Variants in CSMD1 observed in about 807,000 individuals in gnomAD.
The protein encoded by CSMD1 is CUB and sushi domain-containing protein 1.
CSMD1 carries 213 observed loss-of-function variants against 417.5 expected under a neutral mutation model. The ratio of observed to expected loss-of-function variants is 0.51; its 90% confidence interval spans 0.46 to 0.57. The LOEUF is 0.57. CSMD1 is among the 20% of genes least tolerant of loss of function. The pLI is 0.00. For missense variants in CSMD1, 6,923 were observed against 4,529.7 expected (o/e 1.53, Z -15.17); for synonymous variants, 2,862 against 1,736.8 (o/e 1.65, Z -16.11).
In CSMD1 at chr8:3,721,075, G is replaced by A. The variant is rs139965568; in HGVS notation, c.932-12584C>T. On this transcript the variant is annotated intron_variant, in intron 6 of 69. Transcript: ENST00000635120. Reference sequence around the variant, plus strand: ...CGACCTTGGGTGATCTGCCCGCCTCGGCCTCCCAAAGTGCTGGGATTACAG... The same window carrying A: ...CGACCTTGGGTGATCTGCCCGCCTCAGCCTCCCAAAGTGCTGGGATTACAG... Among the ~76,000 whole-genome samples the A allele has an allele frequency of 4.7e-3, 717 of 152,020 alleles. 4 individuals carry two copies. The highest frequency in any genetic ancestry group is 0.016 in the African/African-American group (645 of 41,448).
At chr8:4,072,562 T>C (rs1008154867) in intron 3 of CSMD1, among the ~76,000 whole-genome samples, 1 of 152,318 alleles carries the variant, frequency 6.6e-6, no homozygotes, top group East Asian at 1.9e-4. Context: ...CATATTTTCA[T>C]ATATATAAGA....
chr8:4,793,548 G>T (rs146855433), intron 1 of CSMD1, among the ~76,000 whole-genome samples: 2 of 151,882 alleles, frequency 1.3e-5, no homozygotes, highest in Admixed American at 1.3e-4. Flanking sequence ...TCTGCTTGCA[G>T]AAATTATTTC....
chr8:4,933,878 A>G (rs1254375685), intron 1 of CSMD1, among the ~76,000 whole-genome samples: 1 of 152,216 alleles, frequency 6.6e-6, no homozygotes, highest in Non-Finnish European at 1.5e-5. Context: ...GAGGCAGAGA[A>G]GCATCATTTC....
chr8:4,500,435 G>A (rs1196666348), intron 2 of CSMD1, among the ~76,000 whole-genome samples: 5 of 152,140 alleles, frequency 3.3e-5, no homozygotes, highest in African/African-American at 1.2e-4. Context: ...AACTTGCGTA[G>A]ATCGTGTAAA....
chr8:4,522,626 C>T (rs1803524857), intron 2 of CSMD1, among the ~76,000 whole-genome samples: 1 of 152,048 alleles, frequency 6.6e-6, no homozygotes, highest in Non-Finnish European at 1.5e-5. Flanking sequence ...GGAACCAGAC[C>T]CTTTCTGACT....
chr8:3,697,571 A>AAG (rs1800623397), intron 7 of CSMD1, among the ~76,000 whole-genome samples: 2 of 152,176 alleles, frequency 1.3e-5, no homozygotes, highest in Admixed American at 1.3e-4. Context: ...TTGCTCATGT[A>AAG]AGATGATTTT....
At chr8:3,781,022 C>T (rs370013636) in intron 5 of CSMD1, among the ~76,000 whole-genome samples, 4 of 152,192 alleles carry the variant, frequency 2.6e-5, no homozygotes, top group Admixed American at 1.3e-4. Flanking sequence ...TAAAGTATTT[C>T]GTAGGGGAAA....
chr8:3,391,422 C>T (rs1277072407), intron 17 of CSMD1, among the ~76,000 whole-genome samples: 3 of 152,126 alleles, frequency 2.0e-5, no homozygotes, highest in Non-Finnish European at 4.4e-5. Context: ...CAATTTCTTA[C>T]AAAATTATGA....
At chr8:4,388,920 T>C (rs930212576) in intron 3 of CSMD1, among the ~76,000 whole-genome samples, 2 of 152,180 alleles carry the variant, frequency 1.3e-5, no homozygotes, top group African/African-American at 4.8e-5. Context: ...TGTTCAAAGT[T>C]ACTAATGCTT....
At chr8:4,399,578 A>G (rs1040609918) in intron 3 of CSMD1, among the ~76,000 whole-genome samples, 1 of 151,990 alleles carries the variant, frequency 6.6e-6, no homozygotes, top group African/African-American at 2.4e-5. Flanking sequence ...TTTTGTCTTT[A>G]TACCACCCCT....
At chr8:3,962,697 G>C (rs1380546271) in intron 5 of CSMD1, among the ~76,000 whole-genome samples, 1 of 152,176 alleles carries the variant, frequency 6.6e-6, no homozygotes, top group East Asian at 1.9e-4. Flanking sequence ...GTGTGGTGCA[G>C]AGGTGCGGCC....
rs77363813 is a variant in CSMD1, at chr8:4,837,112, T to G, written c.85+157220A>C. Among the ~76,000 whole-genome samples the G allele has an allele frequency of 1.9e-3, 294 of 152,168 alleles. 1 individual carries two copies. Among genetic ancestry groups the G allele is most frequent in the African/African-American group, 6.8e-3 (283 of 41,534 alleles). On this transcript the variant is annotated intron_variant, in intron 1 of 69. Coordinates refer to ENST00000635120, the MANE Select transcript of CSMD1 (RefSeq NM_033225.6). ...TTAATGAGGGCTTCACTAAGTAATC[T>G]GATTTCTAATAGATCCAAATAATGT...
chr8:3,671,519 ATATATG>A lies in CSMD1; in HGVS notation c.1009+36889_1009+36894del, dbSNP rs1799045460. Among the ~76,000 whole-genome samples, 3 of 17,314 alleles carry A rather than the reference ATATATG, an allele frequency of 1.7e-4. No homozygotes were observed. The Admixed American group carries it at 2.9e-3, about 17-fold the overall frequency. The allele number at this position is 17,314 out of a possible 152,430, so 11.4% of individuals were successfully genotyped here. ...ATCATATATATATATATATGATCATATATATGATCATATATATATATATATGATCAT... is the reference window on the plus strand; with the variant it reads ...ATCATATATATATATATATGATCATAATCATATATATATATATATGATCAT... On this transcript the variant is annotated intron_variant, in intron 7 of 69. Coordinates refer to ENST00000635120, the MANE Select transcript of CSMD1 (RefSeq NM_033225.6).
chr8:3,663,293 T>C (rs754150422), intron 7 of CSMD1, among the ~76,000 whole-genome samples: 1 of 152,110 alleles, frequency 6.6e-6, no homozygotes, highest in Non-Finnish European at 1.5e-5. Context: ...AGGGGTGGGA[T>C]GTGGGCAGTA....
At chr8:4,573,753 G>C (rs925871210) in intron 2 of CSMD1, among the ~76,000 whole-genome samples, 5 of 152,178 alleles carry the variant, frequency 3.3e-5, no homozygotes, top group African/African-American at 1.2e-4. Flanking sequence ...CTCTGTCCCA[G>C]GGAGACAGGA....
chr8:4,667,065 A>G (rs1026532557), intron 1 of CSMD1, among the ~76,000 whole-genome samples: 1 of 152,188 alleles, frequency 6.6e-6, no homozygotes, highest in African/African-American at 2.4e-5. Flanking sequence ...AAACTTCTAC[A>G]TGTACAGGTC....
chr8:4,515,246 G>C (rs1427886827), intron 2 of CSMD1, among the ~76,000 whole-genome samples: 1 of 152,162 alleles, frequency 6.6e-6, no homozygotes. Flanking sequence ...TGCTCTGCTA[G>C]GAAATGGAAT....
At chr8:3,062,994 A>C (rs958983009) in intron 49 of CSMD1, among the ~76,000 whole-genome samples, 1 of 152,192 alleles carries the variant, frequency 6.6e-6, no homozygotes, top group Non-Finnish European at 1.5e-5. Flanking sequence ...AGCTGGAGGA[A>C]CGTAAAGTGA....
chr8:3,313,918 C>G (rs1584982910), intron 23 of CSMD1, among the ~76,000 whole-genome samples: 1 of 152,170 alleles, frequency 6.6e-6, no homozygotes, highest in Non-Finnish European at 1.5e-5. Context: ...GGCACATATA[C>G]ACCATGGAAT....
Sources: allele counts gnomAD v4.1 joint callset (sites outside exome capture counted in the v4.1 genomes callset), GRCh38; gene constraint gnomAD v4.1.1; transcripts MANE v1.5; gene names NCBI Gene and HGNC (gene_info 2026-07-23, HGNC 2026-07-21).